GALNS: variants seen among roughly 807,000 people sequenced by gnomAD.
GALNS encodes the protein galactosamine (N-acetyl)-6-sulfatase, also known as N-acetylgalactosamine-6-sulfatase.
A neutral mutation model predicts 65.9 loss-of-function variants in GALNS; 65 were observed. The observed-to-expected ratio is 0.99, with a 90% CI of 0.81 to 1.21. The LOEUF (loss-of-function observed/expected upper bound fraction) is 1.21, where lower values mean the gene tolerates loss of function less well. Ranked by LOEUF, GALNS falls within the 50% of genes most tolerant of loss-of-function variation. The probability of loss-of-function intolerance (pLI) is 0.00; values close to 1 mark genes in which losing one functional copy is unlikely to be tolerated. For missense variants in GALNS, 776 were observed against 700.7 expected, an observed-to-expected ratio of 1.11 and a Z score of -1.21; for synonymous variants, 346 against 288.9, an observed-to-expected ratio of 1.20 and a Z score of -2.00.
chr16:88,825,953 G>A (rs935365523), intron 10 of GALNS, among the ~76,000 whole-genome samples: 1 of 152,224 alleles, frequency 6.6e-6, no homozygotes, highest in Admixed American at 6.5e-5. Flanking sequence ...GACCACCCAG[G>A]AAACGTGGTT....
chr16:88,843,001 C>T lies in GALNS; in HGVS notation c.121-172G>A, dbSNP rs138890225. 1.4e-4 allele frequency: 217 copies of T among 1,508,946 alleles called. 1 individual carries two copies. In the African/African-American group the frequency reaches 2.5e-3, roughly 17 times the overall value. 93.5% of individuals were successfully genotyped at this position (1,508,946 alleles called of 1,614,324 possible). A position where few individuals can be genotyped will look rare whatever the true frequency, so the allele number is the denominator to read the frequency against. Reference sequence around the variant, plus strand: ...CCCCAGCATCGCCTGCGTGCGTGCACGATGGGGCCGCTCCACGCCAGCCCA... The same window carrying T: ...CCCCAGCATCGCCTGCGTGCGTGCATGATGGGGCCGCTCCACGCCAGCCCA... On this transcript the variant is annotated intron_variant, in intron 1 of 13. Coordinates refer to ENST00000268695, the MANE Select transcript of GALNS (RefSeq NM_000512.5).
chr16:88,843,081 C>G lies in GALNS; in HGVS notation c.121-252G>C, dbSNP rs774064919. The G allele has an allele frequency of 9.1e-5, 137 of 1,502,078 alleles. 3 individuals carry two copies. In the South Asian group the frequency reaches 1.6e-3, roughly 17 times the overall value. 93.0% of individuals were successfully genotyped at this position (1,502,078 alleles called of 1,614,324 possible). A position where few individuals can be genotyped will look rare whatever the true frequency, so the allele number is the denominator to read the frequency against. On this transcript the variant is annotated intron_variant, in intron 1 of 13. Coordinates refer to ENST00000268695, the MANE Select transcript of GALNS (RefSeq NM_000512.5). The stretch of plus-strand genomic sequence containing the variant: ...ATGGGGCCGCTCCACGGTCAGCCCA[C>G]GCTGTCTTTCGCCTCCACTTCTGCT...
intron 6 of GALNS, 86 bp downstream of exon 6, chr16:88,836,115 T>C (rs1912113031): frequency 1.5e-6 from 2 of 1,298,536 alleles, no homozygotes; most frequent in African/African-American, 1.5e-5. Flanking sequence ...GATGCATTCC[T>C]GTCCCCACGC....
intron 1 of GALNS, among the ~76,000 whole-genome samples, chr16:88,853,933 C>T (rs1382382920): frequency 6.6e-6 from 1 of 152,200 alleles, no homozygotes; most frequent in Non-Finnish European, 1.5e-5. Flanking sequence ...ATGGTTCTCT[C>T]CCGGGTCAGT....
At chr16:88,815,686 T>A (rs186897933) in intron 13 of GALNS, 2 of 985,442 alleles carry the variant, frequency 2.0e-6, no homozygotes, top group Non-Finnish European at 2.4e-6. Flanking sequence ...AGACTTTGGA[T>A]TCTGGGTGCT....
chr16:88,841,412 T>C (rs1966965768), intron 3 of GALNS, among the ~76,000 whole-genome samples: 1 of 151,866 alleles, frequency 6.6e-6, no homozygotes, highest in Admixed American at 6.5e-5. Flanking sequence ...CTGCCTGGTC[T>C]CCAGGGGTCT....
At chr16:88,825,363 C>T (rs545072437) in intron 10 of GALNS, among the ~76,000 whole-genome samples, 6 of 71,316 alleles carry the variant, frequency 8.4e-5, no homozygotes, top group East Asian at 4.0e-4. Flanking sequence ...TCTGGGCAAC[C>T]GGGGCTGGGG....
At position 88,836,280 on chromosome 16, in the gene GALNS, C is replaced by T; in HGVS notation, c.567-13G>A. 2.5e-6 allele frequency: 4 copies of T among 1,603,050 alleles called. No homozygotes were observed. Among genetic ancestry groups the T allele is most frequent in the Non-Finnish European group, 2.6e-6 (3 of 1,173,008 alleles). ...TTCTTCATAATATCTGAAAAGAACA[C>T]AGATCCAGACAGACTTCAGAATTTA... On this transcript the variant is annotated splice_polypyrimidine_tract_variant and intron_variant, in intron 5 of 13. Coordinates refer to ENST00000268695, the MANE Select transcript of GALNS (RefSeq NM_000512.5).
At chr16:88,824,545 C>A (rs1198397194) in intron 11 of GALNS, among the ~76,000 whole-genome samples, 2 of 152,114 alleles carry the variant, frequency 1.3e-5, no homozygotes, top group Non-Finnish European at 2.9e-5. Context: ...GGGCTACTGT[C>A]ATCACGCGGG....
intron 5 of GALNS, among the ~76,000 whole-genome samples, chr16:88,836,585 C>T (rs567542220): frequency 2.0e-5 from 3 of 151,332 alleles, no homozygotes; most frequent in African/African-American, 4.9e-5. Flanking sequence ...ACCCAGGAGG[C>T]GGAGGTTGCA....
At chr16:88,820,948 G>C (rs143041288) in intron 12 of GALNS, among the ~76,000 whole-genome samples, 22 of 152,254 alleles carry the variant, frequency 1.4e-4, no homozygotes, top group Admixed American at 1.3e-3. Context: ...CAGCTGGGGG[G>C]GCTGTTGGCT....
intron 9 of GALNS, 53 bp downstream of exon 9, chr16:88,831,945 G>C (rs1376029732): frequency 6.7e-7 from 1 of 1,503,114 alleles, no homozygotes; most frequent in Non-Finnish European, 9.2e-7. Context: ...CACACCCTGG[G>C]ATGGCTGCAG....
intron 9 of GALNS, among the ~76,000 whole-genome samples, chr16:88,828,264 G>C (rs888541690): frequency 6.6e-6 from 1 of 151,118 alleles, no homozygotes; most frequent in East Asian, 1.9e-4. Context: ...AGCAGTGCTT[G>C]TGGTGCCGGC....
At chr16:88,817,941 C>A in intron 13 of GALNS, 66 bp downstream of exon 13, 1 of 1,337,604 alleles carries the variant, frequency 7.5e-7, no homozygotes, top group Non-Finnish European at 1.0e-6. Context: ...CACGGTTCAT[C>A]CTGGGCCCCG....
intron 2 of GALNS, 34 bp downstream of exon 2, chr16:88,842,672 C>T (rs1967029852): frequency 6.2e-7 from 1 of 1,609,488 alleles, no homozygotes; most frequent in Non-Finnish European, 8.5e-7. Flanking sequence ...GTTGGGCTCA[C>T]CCCTTCCTGG....
intron 12 of GALNS, among the ~76,000 whole-genome samples, chr16:88,818,364 C>T (rs1213435457): frequency 6.6e-6 from 1 of 152,214 alleles, no homozygotes; most frequent in Non-Finnish European, 1.5e-5. Context: ...CTCAGCAGGC[C>T]AAGCCCTGGC....
intron 13 of GALNS, chr16:88,815,534 T>C (rs1351446413): frequency 1.0e-6 from 1 of 985,344 alleles, no homozygotes. Context: ...AGGGCACTTT[T>C]CCTGGCAACA....
At chr16:88,855,177 T>C in intron 1 of GALNS, 2 of 666,456 alleles carry the variant, frequency 3.0e-6, no homozygotes, top group Non-Finnish European at 5.5e-6. Context: ...AAAATATTAT[T>C]TCGACAAGTC....
intron 4 of GALNS, chr16:88,839,042 A>T (rs959528833): frequency 6.5e-6 from 1 of 153,658 alleles, no homozygotes; most frequent in Non-Finnish European, 1.5e-5. Context: ...GCCCATTGCT[A>T]GAGCACCCCG....
Sources: gnomAD v4.1 joint callset for allele counts (sites outside exome capture counted in the v4.1 genomes callset) on GRCh38, gnomAD v4.1.1 for gene constraint, MANE v1.5 for transcripts, NCBI Gene and HGNC (gene_info 2026-07-23, HGNC 2026-07-21) for gene names.